Variants in CALN1 observed in about 807,000 individuals in gnomAD.
CALN1 encodes calcium-binding protein 8.
A neutral mutation model predicts 30.6 loss-of-function variants in CALN1; 17 were observed. The ratio of observed to expected loss-of-function variants is 0.56; its 90% confidence interval spans 0.38 to 0.83. The LOEUF (loss-of-function observed/expected upper bound fraction) is 0.83. Ranked by LOEUF, CALN1 falls within the 40% of genes least tolerant of loss-of-function variation. The pLI is 0.00. For missense variants in CALN1, 291 were observed against 354.9 expected, an observed-to-expected ratio of 0.82 and a Z score of 1.45; for synonymous variants, 156 against 131.4, an observed-to-expected ratio of 1.19 and a Z score of -1.28.
chr7:72,401,117 A>G (rs1336872395), intron 2 of CALN1, among the ~76,000 whole-genome samples: 1 of 152,108 alleles, frequency 6.6e-6, no homozygotes, highest in Non-Finnish European at 1.5e-5. Context: ...GGAAAAGATG[A>G]CCTATAGATG....
chr7:72,096,528 C>G (rs890578576), intron 4 of CALN1, among the ~76,000 whole-genome samples: 2 of 151,804 alleles, frequency 1.3e-5, no homozygotes, highest in African/African-American at 2.4e-5. Context: ...GGCTCATGGC[C>G]GGGCATGATG....
At chr7:71,861,198 T>C (rs1267951042) in intron 5 of CALN1, among the ~76,000 whole-genome samples, 2 of 152,048 alleles carry the variant, frequency 1.3e-5, no homozygotes, top group Non-Finnish European at 2.9e-5. Context: ...TGTGCGTGTG[T>C]GTGTGTTACG....
At chr7:71,805,013 C>T (rs1787524468) in intron 6 of CALN1, among the ~76,000 whole-genome samples, 1 of 152,014 alleles carries the variant, frequency 6.6e-6, no homozygotes, top group Admixed American at 6.6e-5. Flanking sequence ...TCAAGTCCTC[C>T]CATTAATTTC....
chr7:72,376,795 G>C (rs574147572), intron 2 of CALN1, among the ~76,000 whole-genome samples: 2 of 152,274 alleles, frequency 1.3e-5, no homozygotes, highest in Non-Finnish European at 2.9e-5. Flanking sequence ...CCCAAGTCAT[G>C]AGATTTACAC....
intron 5 of CALN1, among the ~76,000 whole-genome samples, chr7:72,004,407 T>C (rs1439376687): frequency 6.6e-6 from 1 of 152,132 alleles, no homozygotes; most frequent in African/African-American, 2.4e-5. Context: ...TGGACTTAAA[T>C]GTAAAACATA....
the CALN1 span, among the ~76,000 whole-genome samples, chr7:72,492,826 C>T: frequency 2.6e-5 from 4 of 152,232 alleles, no homozygotes; most frequent in African/African-American, 4.8e-5. Flanking sequence ...TGCATCCCTG[C>T]TGGCACATGC....
intron 3 of CALN1, among the ~76,000 whole-genome samples, chr7:72,196,867 C>T (rs1184219472): frequency 6.6e-6 from 1 of 152,136 alleles, no homozygotes; most frequent in Non-Finnish European, 1.5e-5. Context: ...ATGAAACCAG[C>T]ACTTGAACCC....
chr7:71,810,283 TG>T, intron 6 of CALN1, 52 bp downstream of exon 6: 1 of 1,572,910 alleles, frequency 6.4e-7, no homozygotes. Flanking sequence ...ATAGAGAGTG[TG>T]GTGCATTGGC....
At chr7:72,016,171 C>T (rs1173304312) in intron 5 of CALN1, among the ~76,000 whole-genome samples, 2 of 150,214 alleles carry the variant, frequency 1.3e-5, no homozygotes, top group South Asian at 2.1e-4. Flanking sequence ...ATTGCTTGAA[C>T]CCAGGAGGTG....
intron 5 of CALN1, among the ~76,000 whole-genome samples, chr7:71,967,764 ATTACTAAAGAAT>A (rs1461391562): frequency 6.6e-6 from 1 of 152,150 alleles, no homozygotes; most frequent in African/African-American, 2.4e-5. Flanking sequence ...GAGCATACAT[ATTACTAAAGAAT>A]TTACTAAAGT....
chr7:71,962,940 G>A (rs1797322598), intron 5 of CALN1, among the ~76,000 whole-genome samples: 1 of 152,154 alleles, frequency 6.6e-6, no homozygotes, highest in Non-Finnish European at 1.5e-5. Context: ...TAGTAACCTT[G>A]AAAGATTCAA....
intron 4 of CALN1, among the ~76,000 whole-genome samples, chr7:72,098,759 G>GACACAC (rs1806413355): frequency 3.1e-5 from 2 of 64,544 alleles, no homozygotes; most frequent in East Asian, 5.7e-4. Flanking sequence ...CAGCCCATTT[G>GACACAC]GCGCGCACAC....
At chr7:71,830,224 G>T (rs1206323167) in intron 5 of CALN1, among the ~76,000 whole-genome samples, 2 of 151,932 alleles carry the variant, frequency 1.3e-5, no homozygotes, top group Non-Finnish European at 2.9e-5. Flanking sequence ...TGCATTTTTA[G>T]TAGAGATGGG....
At chr7:72,100,632 C>T (rs1486541650) in intron 4 of CALN1, among the ~76,000 whole-genome samples, 1 of 151,898 alleles carries the variant, frequency 6.6e-6, no homozygotes, top group Non-Finnish European at 1.5e-5. Flanking sequence ...TCCTGGCTAA[C>T]ACAGTGAAAC....
At chr7:72,121,650 T>C (rs1808400988) in intron 3 of CALN1, among the ~76,000 whole-genome samples, 1 of 148,788 alleles carries the variant, frequency 6.7e-6, no homozygotes, top group African/African-American at 2.4e-5. Flanking sequence ...TCGCTTAGGA[T>C]TACATTTCTG....
At chr7:72,065,380 C>G (rs956437920) in intron 4 of CALN1, among the ~76,000 whole-genome samples, 4 of 151,944 alleles carry the variant, frequency 2.6e-5, no homozygotes, top group African/African-American at 4.8e-5. Flanking sequence ...TCCCCGCCCC[C>G]CTGCCCCTGC....
At chr7:72,054,341 A>G (rs959835085) in intron 4 of CALN1, among the ~76,000 whole-genome samples, 15 of 149,478 alleles carry the variant, frequency 1.0e-4, no homozygotes, top group African/African-American at 2.9e-4. Flanking sequence ...TTTGATTTAC[A>G]TTTTTCTAAT....
At chr7:72,027,848 G>C (rs1043353868) in intron 4 of CALN1, among the ~76,000 whole-genome samples, 11 of 151,078 alleles carry the variant, frequency 7.3e-5, no homozygotes, top group Non-Finnish European at 1.6e-4. Flanking sequence ...ACGAGGTCAG[G>C]AGATCGAGAC....
At chr7:72,155,355 G>A (rs942155458) in intron 3 of CALN1, among the ~76,000 whole-genome samples, 1 of 151,966 alleles carries the variant, frequency 6.6e-6, no homozygotes, top group Admixed American at 6.6e-5. Context: ...AGCCGGGCGT[G>A]GTGGCAGGTG....
Sources: allele counts gnomAD v4.1 joint callset (sites outside exome capture counted in the v4.1 genomes callset), GRCh38; gene constraint gnomAD v4.1.1; transcripts MANE v1.5; gene names NCBI Gene and HGNC (gene_info 2026-07-23, HGNC 2026-07-21).